Variants in SLFN12L observed in about 807,000 individuals in gnomAD.
SLFN12L encodes the protein schlafen family member 12 like.
Under a neutral mutation model 34.8 loss-of-function variants are expected in SLFN12L, and 34 were observed. That is an observed-to-expected ratio of 0.98 (90% confidence interval 0.74 to 1.30). The LOEUF (loss-of-function observed/expected upper bound fraction) is 1.30. Ranked by LOEUF, SLFN12L falls within the 50% of genes most tolerant of loss-of-function variation. SLFN12L has a pLI of 0.00. For synonymous variants in SLFN12L, 259 were observed against 247.5 expected (o/e 1.05, Z -0.44); for missense variants, 703 against 696.2 (o/e 1.01, Z -0.11).
chr17:35,466,739 T>C lies in SLFN12L; in HGVS notation c.*8184A>G, dbSNP rs1469041114. On this transcript the variant is annotated 3_prime_UTR_variant, in exon 5 of 5. Coordinates refer to ENST00000628453, the MANE Select transcript of SLFN12L (RefSeq NM_001363830.2). The stretch of plus-strand genomic sequence containing the variant: ...ACAGACAGACCCATTGGTGCCTGCA[T>C]TGATTCCTTTACTGAAGAGACTTTA... 1.3e-5 allele frequency among the ~76,000 whole-genome samples: 2 copies of C among 152,210 alleles called. No homozygotes were observed. Among genetic ancestry groups the C allele is most frequent in the African/African-American group, 4.8e-5 (2 of 41,442 alleles).
In SLFN12L at chr17:35,473,938, T is replaced by C. The variant is rs1386482902; in HGVS notation, c.*985A>G. On this transcript the variant is annotated 3_prime_UTR_variant, in exon 5 of 5. Transcript: ENST00000628453. ...ATTTTCTAGTTTATTTGCATAGAGA[T>C]GACAGAGTCTTGCTCTCTTGCCCAA... The C allele has an allele frequency of 1.3e-5, 2 of 152,244 alleles. No individual in the cohort carries two copies. The highest frequency in any genetic ancestry group is 2.4e-5 in the African/African-American group (1 of 41,460). The allele number at this position is 152,244 out of a possible 1,614,324, so 9.4% of individuals were successfully genotyped here.
chr17:35,524,425 T>C (rs777366513), intron 1 of SLFN12L, among the ~76,000 whole-genome samples: 4 of 152,192 alleles, frequency 2.6e-5, no homozygotes, highest in African/African-American at 4.8e-5. Context: ...TGTATCCCAA[T>C]TGGGAGACAC....
At chr17:35,531,170 TTAAC>T (rs1328601276) in intron 1 of SLFN12L, among the ~76,000 whole-genome samples, 5 of 152,368 alleles carry the variant, frequency 3.3e-5, no homozygotes, top group Non-Finnish European at 1.5e-5. Context: ...ATTTGATTAA[TTAAC>T]AAGATTAAAA....
rs62078156 is a variant in SLFN12L, at chr17:35,498,114, C to G, written c.87-17919G>C. 2.9e-3 allele frequency: 1,721 copies of G among 591,714 alleles called. 4 individuals carry two copies. The highest frequency in any genetic ancestry group is 4.2e-3 in the Non-Finnish European group (1,411 of 332,490). The allele number at this position is 591,714 out of a possible 1,614,324, so 36.7% of individuals were successfully genotyped here. ...GCGGGGCTCCAGGACACAGCTGAGC[C>G]GGCGGTCAGAGCGAGACCTGCAGCA... is the stretch of plus-strand genomic sequence containing the variant. On this transcript the variant is annotated intron_variant, in intron 2 of 4. Transcript: ENST00000628453.
intron 1 of SLFN12L, among the ~76,000 whole-genome samples, chr17:35,523,927 C>T (rs1290360898): frequency 6.6e-6 from 1 of 151,122 alleles, no homozygotes; most frequent in Non-Finnish European, 1.5e-5. Flanking sequence ...TGAGTCAGAA[C>T]TTGTCTTAAA....
At chr17:35,537,064 C>T (rs1400556680) in intron 1 of SLFN12L, among the ~76,000 whole-genome samples, 1 of 151,844 alleles carries the variant, frequency 6.6e-6, no homozygotes, top group Admixed American at 6.6e-5. Flanking sequence ...CTGTAGTCCC[C>T]GCACTTTCAA....
rs1434810549 is a variant in SLFN12L, at chr17:35,468,860, A to G, written c.*6063T>C. ...GGGAGACCCCATCTCTACAAAACATATAAAAGTTAGCTGGGCATGGTGGTG... is the reference window on the plus strand; with the variant it reads ...GGGAGACCCCATCTCTACAAAACATGTAAAAGTTAGCTGGGCATGGTGGTG... On this transcript the variant is annotated 3_prime_UTR_variant, in exon 5 of 5. Transcript: ENST00000628453. Among the ~76,000 whole-genome samples the G allele has an allele frequency of 6.6e-6, 1 of 152,022 alleles. No individual in the cohort carries two copies. Among genetic ancestry groups the G allele is most frequent in the Non-Finnish European group, 1.5e-5 (1 of 67,992 alleles).
At chr17:35,508,544 T>C (rs1158397208) in intron 2 of SLFN12L, among the ~76,000 whole-genome samples, 1 of 152,156 alleles carries the variant, frequency 6.6e-6, no homozygotes, top group African/African-American at 2.4e-5. Context: ...GAGACGGGGT[T>C]TCACCGTGTT....
chr17:35,490,622 A>G (rs1914799523), intron 2 of SLFN12L: 5 of 857,680 alleles, frequency 5.8e-6, no homozygotes, highest in Middle Eastern at 2.2e-4. Context: ...AAGCTCACTC[A>G]GGAAGAGAAG....
At chr17:35,506,168 C>A (rs1915459671) in intron 2 of SLFN12L, among the ~76,000 whole-genome samples, 1 of 151,984 alleles carries the variant, frequency 6.6e-6, no homozygotes, top group Admixed American at 6.6e-5. Flanking sequence ...AAAGTGTTAG[C>A]CAAAACAGAA....
At chr17:35,482,531 G>A (rs1475413035) in intron 2 of SLFN12L, among the ~76,000 whole-genome samples, 1 of 152,134 alleles carries the variant, frequency 6.6e-6, no homozygotes, top group Non-Finnish European at 1.5e-5. Flanking sequence ...CTAGAATCCT[G>A]CCCCACAACC....
intron 1 of SLFN12L, among the ~76,000 whole-genome samples, chr17:35,529,929 A>T (rs958039487): frequency 6.6e-6 from 1 of 151,770 alleles, no homozygotes; most frequent in Non-Finnish European, 1.5e-5. Context: ...TAAATAAAAA[A>T]TAAAATAGAT....
intron 2 of SLFN12L, among the ~76,000 whole-genome samples, chr17:35,517,371 A>G (rs1175389138): frequency 1.3e-5 from 2 of 152,230 alleles, no homozygotes; most frequent in East Asian, 3.8e-4. Flanking sequence ...TTCAAGAACT[A>G]CAAACCACTG....
At chr17:35,509,865 T>C (rs1915582712) in intron 2 of SLFN12L, among the ~76,000 whole-genome samples, 1 of 151,940 alleles carries the variant, frequency 6.6e-6, no homozygotes, top group Non-Finnish European at 1.5e-5. Flanking sequence ...GCCTGGCTAA[T>C]TTTTTGTATT....
In SLFN12L at chr17:35,513,126, A is replaced by G. The variant is rs1189140033; in HGVS notation, c.86+9153T>C. On this transcript the variant is annotated intron_variant, in intron 2 of 4. Transcript: ENST00000628453. ...CTATTAGTAAAACTGACTATCTGGT[A>G]TGTTTGTGCTGGTCATCTCCCCTGA... Among the ~76,000 whole-genome samples, 8 of 152,236 alleles carry G rather than the reference A, an allele frequency of 5.3e-5. No homozygotes were observed. In the South Asian group the frequency reaches 6.2e-4, roughly 12 times the overall value.
chr17:35,492,487 T>C (rs566919144), intron 2 of SLFN12L, among the ~76,000 whole-genome samples: 1 of 152,256 alleles, frequency 6.6e-6, no homozygotes, highest in East Asian at 1.9e-4. Context: ...GACATCCCCG[T>C]TGTGTGAGTG....
chr17:35,530,421 GGAAGGAAGGGA>G (rs1567693665), intron 1 of SLFN12L, among the ~76,000 whole-genome samples: 229 of 9,820 alleles, frequency 0.023, 18 homozygotes, highest in African/African-American at 0.047. Flanking sequence ...AAGGAAGGAA[GGAAGGAAGGGA>G]AGGGAAGGGA....
At chr17:35,490,403 A>G (rs9909601) in intron 2 of SLFN12L, 911,081 of 1,256,114 alleles carry the variant, frequency 0.73, 329,467 homozygotes, top group African/African-American at 0.87. Flanking sequence ...CAGCTCCTGA[A>G]CCAGTCACCC....
At chr17:35,525,714 T>G (rs2072326902) in intron 1 of SLFN12L, among the ~76,000 whole-genome samples, 1 of 152,134 alleles carries the variant, frequency 6.6e-6, no homozygotes, top group Admixed American at 6.5e-5. Context: ...AAGGAAGCAC[T>G]AAACATGGAA....
Sources: allele counts gnomAD v4.1 joint callset (sites outside exome capture counted in the v4.1 genomes callset), GRCh38; gene constraint gnomAD v4.1.1; transcripts MANE v1.5; gene names NCBI Gene and HGNC (gene_info 2026-07-23, HGNC 2026-07-21).